Variants in MRTFB observed in about 807,000 individuals in gnomAD.
MRTFB encodes the protein myocardin-related transcription factor B.
MRTFB carries 29 observed loss-of-function variants against 104.2 expected under a neutral mutation model. That is an observed-to-expected ratio of 0.28 (90% CI 0.21 to 0.38). The LOEUF is 0.38. Ranked by LOEUF, MRTFB falls within the 10% of genes least tolerant of loss-of-function variation. The pLI is 1.00. For missense variants in MRTFB, 1,270 were observed against 1,341.6 expected (o/e 0.95, Z 0.83); for synonymous variants, 535 against 519.5 (o/e 1.03, Z -0.41).
chr16:14,072,116 T>C (rs1045418739), intron 1 of MRTFB, among the ~76,000 whole-genome samples: 4 of 152,290 alleles, frequency 2.6e-5, no homozygotes, highest in African/African-American at 9.6e-5. Context: ...AAGGAAACTC[T>C]TCTCTAAAAG....
intron 2 of MRTFB, among the ~76,000 whole-genome samples, chr16:14,108,692 C>G (rs1191914132): frequency 6.6e-6 from 1 of 152,170 alleles, no homozygotes; most frequent in Admixed American, 6.5e-5. Context: ...AAAGAGAATA[C>G]TCAGTTATTT....
At chr16:14,226,473 A>G (rs967304006) in intron 8 of MRTFB, among the ~76,000 whole-genome samples, 1 of 152,218 alleles carries the variant, frequency 6.6e-6, no homozygotes, top group Admixed American at 6.5e-5. Flanking sequence ...AAAACTGGAT[A>G]TCCACATGCA....
intron 2 of MRTFB, among the ~76,000 whole-genome samples, chr16:14,117,454 T>G (rs558409812): frequency 1.0e-3 from 156 of 152,370 alleles, no homozygotes; most frequent in Admixed American, 1.8e-3. Flanking sequence ...TCACAGCATT[T>G]TTCACAGTTT....
At chr16:14,085,859 T>A (rs948404760) in intron 2 of MRTFB, among the ~76,000 whole-genome samples, 1 of 152,248 alleles carries the variant, frequency 6.6e-6, no homozygotes, top group Non-Finnish European at 1.5e-5. Context: ...GACATTTTGT[T>A]TGAAATGTTG....
At chr16:14,238,497 C>CA (rs2042622408) in intron 9 of MRTFB, among the ~76,000 whole-genome samples, 1 of 151,944 alleles carries the variant, frequency 6.6e-6, no homozygotes, top group Non-Finnish European at 1.5e-5. Flanking sequence ...TGGTGGGTAT[C>CA]AGAGATTGGG....
At chr16:14,048,455 A>G in the MRTFB span, among the ~76,000 whole-genome samples, 1 of 152,188 alleles carries the variant, frequency 6.6e-6, no homozygotes, top group Non-Finnish European at 1.5e-5. Context: ...TAAGACCCTC[A>G]CTTGGAAGCA....
chr16:14,227,466 C>T (rs552634114), intron 8 of MRTFB, among the ~76,000 whole-genome samples: 4 of 152,242 alleles, frequency 2.6e-5, no homozygotes, highest in Admixed American at 1.3e-4. Flanking sequence ...TCTGCAGAAT[C>T]GTGAGCCAAA....
the MRTFB span, among the ~76,000 whole-genome samples, chr16:14,001,519 G>T: frequency 3.3e-5 from 5 of 152,222 alleles, no homozygotes; most frequent in African/African-American, 1.2e-4. Context: ...GGTGGGTCCA[G>T]TCTGCTCAAA....
the MRTFB span, among the ~76,000 whole-genome samples, chr16:13,998,465 A>G: frequency 2.0e-5 from 3 of 152,128 alleles, no homozygotes; most frequent in African/African-American, 7.2e-5. Flanking sequence ...CATGGGCAAC[A>G]TAGCAAGACC....
At chr16:14,221,113 G>T (rs1162456559) in intron 8 of MRTFB, among the ~76,000 whole-genome samples, 6 of 152,142 alleles carry the variant, frequency 3.9e-5, no homozygotes, top group Admixed American at 1.3e-4. Context: ...TACGTTGTAG[G>T]TGCTTCGTTT....
At chr16:14,252,586 T>C in intron 15 of MRTFB, 84 bp downstream of exon 15, 1 of 1,429,232 alleles carries the variant, frequency 7.0e-7, no homozygotes, top group Non-Finnish European at 9.3e-7. Context: ...CAGAATCCCT[T>C]GTCTGAAACT....
chr16:14,238,470 T>C lies in MRTFB; in HGVS notation c.832-1767T>C, dbSNP rs550710016. Among the ~76,000 whole-genome samples the C allele has an allele frequency of 5.3e-5, 8 of 151,862 alleles. No homozygotes were observed. The South Asian group carries it at 1.7e-3, about 32-fold the overall frequency. On this transcript the variant is annotated intron_variant, in intron 9 of 16. Transcript: ENST00000571589. ...GTTGTAGTTGGCATCCTGGATGGAG[T>C]GAATTGACAAAATACGTGGTGGGTA...
At chr16:14,140,081 G>T (rs1431339316) in intron 2 of MRTFB, among the ~76,000 whole-genome samples, 1 of 152,180 alleles carries the variant, frequency 6.6e-6, no homozygotes, top group Non-Finnish European at 1.5e-5. Flanking sequence ...TCTGTTTTCT[G>T]TTATTCTCAC....
the MRTFB span, among the ~76,000 whole-genome samples, chr16:14,036,296 TTATATATATATATATATATATA>T: frequency 4.1e-5 from 4 of 98,354 alleles, no homozygotes; most frequent in Admixed American, 5.5e-4. Flanking sequence ...TTATATATAT[TTATATATATATATATATATATA>T]TATGATGTCC....
chr16:14,166,264 C>G (rs574025480), intron 3 of MRTFB, among the ~76,000 whole-genome samples: 1 of 139,946 alleles, frequency 7.1e-6, no homozygotes, highest in Non-Finnish European at 1.5e-5. Flanking sequence ...AACAATTCAA[C>G]CATAAAGAGA....
chr16:14,067,469 C>T (rs374013333), upstream of MRTFB, among the ~76,000 whole-genome samples: 5 of 152,122 alleles, frequency 3.3e-5, no homozygotes, highest in Non-Finnish European at 4.4e-5. Flanking sequence ...GTGATCTGCA[C>T]GCCTTGGCCT....
rs188701769 is a variant in MRTFB, at chr16:14,158,604, T to A, written c.154+17844T>A. 5.3e-5 allele frequency among the ~76,000 whole-genome samples: 8 copies of A among 152,308 alleles called. No individual in the cohort carries two copies. The East Asian group carries it at 1.3e-3, about 26-fold the overall frequency. ...TGAAAGGTAGTTAATTAAAGATATG[T>A]TTAAGATTATTAAGATGCTTTTATT... is the stretch of plus-strand genomic sequence containing the variant. On this transcript the variant is annotated intron_variant, in intron 3 of 16. Coordinates refer to ENST00000571589, the MANE Select transcript of MRTFB (RefSeq NM_001308142.2).
intron 6 of MRTFB, among the ~76,000 whole-genome samples, chr16:14,214,169 G>A (rs1172176176): frequency 6.6e-6 from 1 of 152,108 alleles, no homozygotes; most frequent in Non-Finnish European, 1.5e-5. Context: ...TTCCATCTTT[G>A]GTTAACACAT....
chr16:14,121,732 G>C (rs1035985792), intron 2 of MRTFB, among the ~76,000 whole-genome samples: 17 of 152,032 alleles, frequency 1.1e-4, no homozygotes, highest in African/African-American at 4.1e-4. Context: ...AAAATTTGAC[G>C]CAATACCAAA....
Sources: allele counts gnomAD v4.1 joint callset (sites outside exome capture counted in the v4.1 genomes callset), GRCh38; gene constraint gnomAD v4.1.1; transcripts MANE v1.5; gene names NCBI Gene and HGNC (gene_info 2026-07-23, HGNC 2026-07-21).